Variants in RGR observed in about 807,000 individuals in gnomAD.
RGR encodes retinal G protein coupled receptor.
A neutral mutation model predicts 28.6 loss-of-function variants in RGR; 30 were observed. That is an observed-to-expected ratio of 1.05 (90% CI 0.78 to 1.42). The LOEUF (loss-of-function observed/expected upper bound fraction) is 1.42, where lower values mean the gene tolerates loss of function less well. Among genes scored for constraint, RGR ranks in the 40% most tolerant of loss-of-function variants. The pLI, the probability that RGR is intolerant of heterozygous loss-of-function variation, is 0.00. For missense variants in RGR, 404 were observed against 375.6 expected, an observed-to-expected ratio of 1.08 and a Z score of -0.62; for synonymous variants, 180 against 156.4, an observed-to-expected ratio of 1.15 and a Z score of -1.13.
chr10:84,249,903 C>G (rs1842794380), intron 3 of RGR, among the ~76,000 whole-genome samples: 1 of 152,140 alleles, frequency 6.6e-6, no homozygotes, highest in Admixed American at 6.5e-5. Flanking sequence ...AAAAGTGACT[C>G]ATTTTTTAAA....
intron 3 of RGR, among the ~76,000 whole-genome samples, chr10:84,251,899 C>T (rs1049560992): frequency 3.3e-5 from 5 of 152,282 alleles, no homozygotes; most frequent in East Asian, 3.9e-4. Context: ...CATCTGGAGC[C>T]GTATCAGTAG....
At position 84,258,634 on chromosome 10, in the gene RGR, A is replaced by T; in HGVS notation, c.871A>T (p.Lys291Ter). 6.2e-7 allele frequency: 1 copy of T among 1,614,104 alleles called. No individual in the cohort carries two copies. Among genetic ancestry groups the T allele is most frequent in the Non-Finnish European group, 8.5e-7 (1 of 1,179,992 alleles). Residue 291 changes from lysine (K) to a stop codon, truncating the protein, a stop_gained, in exon 7 of 7, where the codon AAG becomes TAG. Transcript: ENST00000652092. LOFTEE classifies it high-confidence loss of function. ...SPQKREKDRT[K>*] ...GCAGAAGAGGGAGAAGGACCGAACC[A>T]AGTGAGCCTGCCACCCTGGAGTGAG...
At chr10:84,247,856 C>A in intron 2 of RGR, 109 bp downstream of exon 2, 4 of 1,520,244 alleles carry the variant, frequency 2.6e-6, no homozygotes, top group Non-Finnish European at 2.7e-6. Context: ...AGAAAATTGG[C>A]CAAGGGCAGA....
intron 4 of RGR, 26 bp downstream of exon 4, chr10:84,253,036 G>T: frequency 6.2e-7 from 1 of 1,609,482 alleles, no homozygotes. Flanking sequence ...CAGCTTCGAG[G>T]CTCCTATCCA....
At position 84,248,939 on chromosome 10, in the gene RGR, C is replaced by A. The variant is rs747435661; in HGVS notation, c.254C>A (p.Ser85Ter). The change falls in exon 3 of 7, where the codon TCG becomes TAG. Residue 85 changes from serine (S) to a stop codon, truncating the protein, a stop_gained. Transcript: ENST00000652092. LOFTEE classifies it high-confidence loss of function. ...TCCCACAGGCGCTGGCCCTACGGCT[C>A]GGACGGCTGCCAGGCTCACGGCTTC... The part of the protein sequence containing the change: ...SSLLRRWPYG[S>*]DGCQAHGFQG... 9.3e-6 allele frequency: 15 copies of A among 1,614,154 alleles called. No homozygotes were observed. Among genetic ancestry groups the A allele is most frequent in the East Asian group, 2.2e-5 (1 of 44,878 alleles).
chr10:84,258,846 C>T lies in RGR; in HGVS notation c.*207C>T. ...AGTGTCGGTCACAGCCCCCTACACT[C>T]AAGGCTGAGAGGCCTCAGGAAAGTC... On this transcript the variant is annotated 3_prime_UTR_variant, in exon 7 of 7. Coordinates refer to ENST00000652092, the MANE Select transcript of RGR (RefSeq NM_001012720.2). The T allele has an allele frequency of 1.5e-6, 1 of 657,700 alleles. No individual in the cohort carries two copies. Among genetic ancestry groups the T allele is most frequent in the Non-Finnish European group, 2.6e-6 (1 of 381,606 alleles). 40.7% of individuals were successfully genotyped at this position (657,700 alleles called of 1,614,324 possible).
rs1314884345 is a variant in RGR at position 84,259,945 on chromosome 10, AAGTCCC to A, written c.*1308_*1313del. The A allele has an allele frequency of 6.6e-6, 1 of 152,072 alleles. No individual in the cohort carries two copies. The highest frequency in any genetic ancestry group is 2.4e-5 in the African/African-American group (1 of 41,406). The allele number at this position is 152,072 out of a possible 1,614,324, so 9.4% of individuals were successfully genotyped here. ...GTGCAGAAACTTTTTTAGTTTAATTAAGTCCCATTTGTCTATTTTTGGTTTTGTTGC... is the reference window on the plus strand; with the variant it reads ...GTGCAGAAACTTTTTTAGTTTAATTAATTTGTCTATTTTTGGTTTTGTTGC... On this transcript the variant is annotated 3_prime_UTR_variant, in exon 7 of 7. Transcript: ENST00000652092.
chr10:84,254,237 C>G (rs1292311119), intron 4 of RGR, 89 bp from the exon 5 acceptor site: 3 of 1,126,360 alleles, frequency 2.7e-6, no homozygotes, highest in Non-Finnish European at 2.7e-6. Context: ...TCCCCACAAC[C>G]GATCATCTAG....
chr10:84,258,477 G>T (rs1032748548), intron 6 of RGR, 31 bp from the exon 7 acceptor site: 12 of 1,613,996 alleles, frequency 7.4e-6, no homozygotes, highest in Non-Finnish European at 1.0e-5. Flanking sequence ...TGGCTTTGAA[G>T]CTTCTTTTCT....
intron 3 of RGR, among the ~76,000 whole-genome samples, chr10:84,249,332 T>C (rs1842787089): frequency 6.6e-6 from 1 of 152,178 alleles, no homozygotes; most frequent in African/African-American, 2.4e-5. Context: ...TTTTTCTTTT[T>C]GAGACGGAAT....
chr10:84,258,578 T>C lies in RGR; in HGVS notation c.815T>C (p.Val272Ala), dbSNP rs2132893029. Residue 272 changes from valine (V) to alanine (A), a missense_variant, in exon 7 of 7, where the codon GTC (valine) becomes GCC (alanine). Val to Ala is a moderately conservative substitution (Grantham distance 64). Transcript: ENST00000652092. ...AACTATGCCCTGGGCAATGAGATGG[T>C]CTGCAGGGGAATCTGGCAGTGCCTC... ...AINYALGNEM[V>A]CRGIWQCLSP... is the part of the protein sequence containing the mutation. 1 of 1,614,154 alleles carries C rather than the reference T, an allele frequency of 6.2e-7. No homozygotes were observed. The highest frequency in any genetic ancestry group is 8.5e-7 in the Non-Finnish European group (1 of 1,180,022).
At chr10:84,249,077 C>T (rs755025862) in intron 3 of RGR, 34 bp downstream of exon 3, 24 of 1,612,550 alleles carry the variant, frequency 1.5e-5, no homozygotes, top group East Asian at 4.5e-5. Flanking sequence ...GGAGGGACAC[C>T]GATGCAGTGT....
At chr10:84,250,401 C>T (rs899331283) in intron 3 of RGR, 6 of 717,328 alleles carry the variant, frequency 8.4e-6, no homozygotes, top group Admixed American at 8.0e-5. Flanking sequence ...ATGCTGCCAT[C>T]GGTCTCATCA....
In RGR at chr10:84,248,018, G is replaced by C. The variant is rs1054850337; in HGVS notation, c.236+271G>C. On this transcript the variant is annotated intron_variant, in intron 2 of 6. Coordinates refer to ENST00000652092, the MANE Select transcript of RGR (RefSeq NM_001012720.2). ...TTCTGTAACCAAGCAACCTAGGTTT[G>C]CATTCTGGCTTCAGCATTTCTAGTT... 21 of 605,790 alleles carry C rather than the reference G, an allele frequency of 3.5e-5. No individual in the cohort carries two copies. The Middle Eastern group carries it at 1.4e-3, about 40-fold the overall frequency. 37.5% of individuals were successfully genotyped at this position (605,790 alleles called of 1,614,324 possible).
intron 4 of RGR, 131 bp downstream of exon 4, chr10:84,253,141 T>A: frequency 9.6e-7 from 1 of 1,045,962 alleles, no homozygotes; most frequent in Non-Finnish European, 1.4e-6. Flanking sequence ...CTCAACTTCT[T>A]AATCATGATA....
In RGR at chr10:84,250,517, T is replaced by TACACACACACACAC. The variant is rs34459757; in HGVS notation, c.358+1499_358+1512dup. On this transcript the variant is annotated intron_variant, in intron 3 of 6. Transcript: ENST00000652092. ...CCTAATGCTCCCTTGGACCATCTTA[T>TACACACACACACAC]ACACACACACACACACACACACACA... is the stretch of plus-strand genomic sequence containing the variant. The TACACACACACACAC allele has an allele frequency of 3.6e-4, 216 of 607,596 alleles. 1 individual carries two copies. The highest frequency in any genetic ancestry group is 1.2e-3 in the East Asian group (41 of 32,922). 37.6% of individuals were successfully genotyped at this position (607,596 alleles called of 1,614,324 possible).
In RGR at chr10:84,259,808, T is replaced by A. The variant is rs1457603704; in HGVS notation, c.*1169T>A. 1 of 152,174 alleles carries A rather than the reference T, an allele frequency of 6.6e-6. No homozygotes were observed. The highest frequency in any genetic ancestry group is 1.5e-5 in the Non-Finnish European group (1 of 68,018). 9.4% of individuals were successfully genotyped at this position (152,174 alleles called of 1,614,324 possible). A position where few individuals can be genotyped will look rare whatever the true frequency, so the allele number is the denominator to read the frequency against. On this transcript the variant is annotated 3_prime_UTR_variant, in exon 7 of 7. Transcript: ENST00000652092. ...CTGGATAATAGTCTGGATAATATATTCTGGATAATATATAATAGTCTTATA... is the reference window on the plus strand; with the variant it reads ...CTGGATAATAGTCTGGATAATATATACTGGATAATATATAATAGTCTTATA...
chr10:84,258,643 T>C lies in RGR; in HGVS notation c.*4T>C, dbSNP rs1842918941. ...GGAGAAGGACCGAACCAAGTGAGCCTGCCACCCTGGAGTGAGCCCCAGGCC... is the reference window on the plus strand; with the variant it reads ...GGAGAAGGACCGAACCAAGTGAGCCCGCCACCCTGGAGTGAGCCCCAGGCC... On this transcript the variant is annotated 3_prime_UTR_variant, in exon 7 of 7. Transcript: ENST00000652092. 1 of 1,614,060 alleles carries C rather than the reference T, an allele frequency of 6.2e-7. No individual in the cohort carries two copies.
Position 84,248,940 on chromosome 10 carries a change from G to A in RGR, c.255G>A (p.Ser85=), listed in dbSNP as rs758479651. ...CCCACAGGCGCTGGCCCTACGGCTC[G>A]GACGGCTGCCAGGCTCACGGCTTCC... ...SSLLRRWPYG[S]DGCQAHGFQG... is the part of the protein sequence containing the mutation. Residue 85 remains serine (S), a synonymous_variant, in exon 3 of 7, where the codon TCG becomes TCA. Coordinates refer to ENST00000652092, the MANE Select transcript of RGR (RefSeq NM_001012720.2). 2.5e-5 allele frequency: 41 copies of A among 1,613,284 alleles called. No individual in the cohort carries two copies. The highest frequency in any genetic ancestry group is 1.3e-4 in the South Asian group (12 of 91,084).
Sources: allele counts gnomAD v4.1 joint callset (sites outside exome capture counted in the v4.1 genomes callset), GRCh38; gene constraint gnomAD v4.1.1; transcripts MANE v1.5; gene names NCBI Gene and HGNC (gene_info 2026-07-23, HGNC 2026-07-21).